Variants in CCDC88C observed in about 807,000 individuals in gnomAD.
CCDC88C encodes the protein protein Daple.
In CCDC88C, 131 loss-of-function variants were observed where a neutral mutation model predicts 198.8. That is an observed-to-expected ratio of 0.66 (90% CI 0.57 to 0.76). The LOEUF is 0.76. Ranked by LOEUF, CCDC88C falls within the 30% of genes least tolerant of loss-of-function variation. The probability of loss-of-function intolerance (pLI) is 0.00; values close to 1 mark genes in which losing one functional copy is unlikely to be tolerated. For missense variants in CCDC88C, 2,553 were observed against 2,631.6 expected, an observed-to-expected ratio of 0.97 and a Z score of 0.65; for synonymous variants, 1,166 against 1,114.7, an observed-to-expected ratio of 1.05 and a Z score of -0.92.
At chr14:91,365,182 C>CCCCTCTA (rs1567100715) in intron 3 of CCDC88C, among the ~76,000 whole-genome samples, 1 of 149,978 alleles carries the variant, frequency 6.7e-6, no homozygotes, top group Non-Finnish European at 1.5e-5. Flanking sequence ...TCACCCCTCA[C>CCCCTCTA]CCCTCACCCC....
chr14:91,338,182 C>A lies in CCDC88C; in HGVS notation c.892-19G>T. ...GGATGTTCTGCAAGGTGGACAAAGG[C>A]AGGAGAACCTAGCTTAGGGCATCCT... On this transcript the variant is annotated intron_variant, in intron 9 of 29. Transcript: ENST00000389857. The surrounding 1 kb of genome is among the most constrained non-coding windows in gnomAD (Gnocchi z 4.8). The A allele has an allele frequency of 6.2e-7, 1 of 1,612,232 alleles. No individual in the cohort carries two copies.
chr14:91,330,181 G>A (rs888951740), intron 10 of CCDC88C, among the ~76,000 whole-genome samples: 1 of 152,244 alleles, frequency 6.6e-6, no homozygotes, highest in Non-Finnish European at 1.5e-5. Context: ...AAAGTGCCAC[G>A]TGATGAGCAC....
At chr14:91,393,895 C>G (rs1885678746) in intron 3 of CCDC88C, among the ~76,000 whole-genome samples, 1 of 152,336 alleles carries the variant, frequency 6.6e-6, no homozygotes, top group South Asian at 2.1e-4. Context: ...TCCGTAAAAT[C>G]TGAATGCCAC....
At chr14:91,306,988 GTC>G (rs200376745) in intron 18 of CCDC88C, 48 bp downstream of exon 18, 2,270 of 1,460,722 alleles carry the variant, frequency 1.6e-3, no homozygotes, top group African/African-American at 6.6e-3. Flanking sequence ...TGATAAGGCA[GTC>G]TCTCTCTCTC....
chr14:91,285,172 C>G (rs911017199), intron 25 of CCDC88C, among the ~76,000 whole-genome samples: 1 of 152,090 alleles, frequency 6.6e-6, no homozygotes, highest in African/African-American at 2.4e-5. Flanking sequence ...AGGGCCTTAC[C>G]GGAAAAGGCC....
intron 3 of CCDC88C, among the ~76,000 whole-genome samples, chr14:91,404,641 G>A: frequency 6.6e-6 from 1 of 152,172 alleles, no homozygotes; most frequent in East Asian, 1.9e-4. Context: ...GGAATGGTGA[G>A]ACTCAAGAAG....
At chr14:91,360,833 T>C (rs1312824835) in intron 3 of CCDC88C, among the ~76,000 whole-genome samples, 2 of 152,132 alleles carry the variant, frequency 1.3e-5, no homozygotes, top group African/African-American at 4.8e-5. Context: ...ATGCAGGACG[T>C]TGTTCACAAA....
chr14:91,286,893 G>A (rs778582973), intron 25 of CCDC88C, among the ~76,000 whole-genome samples: 2 of 152,184 alleles, frequency 1.3e-5, no homozygotes, highest in Non-Finnish European at 2.9e-5. Context: ...ACACAGGGGA[G>A]GCCACGTCCA....
At chr14:91,362,020 G>C (rs559050305) in intron 3 of CCDC88C, among the ~76,000 whole-genome samples, 1 of 152,188 alleles carries the variant, frequency 6.6e-6, no homozygotes, top group East Asian at 1.9e-4. Flanking sequence ...GATCACCTGA[G>C]GTCAGGGGTT....
intron 24 of CCDC88C, 92 bp from the exon 25 acceptor site, chr14:91,289,435 C>G (rs1890567834): frequency 8.8e-7 from 1 of 1,140,952 alleles, no homozygotes; most frequent in Non-Finnish European, 1.3e-6. Context: ...GATGTTCTTC[C>G]CCAGTCTGGG....
chr14:91,349,953 A>G (rs769717638), intron 4 of CCDC88C, among the ~76,000 whole-genome samples: 3 of 152,338 alleles, frequency 2.0e-5, no homozygotes, highest in Middle Eastern at 3.4e-3. Flanking sequence ...CATGGCAGAC[A>G]TGATTAGTCA....
chr14:91,406,609 T>G (rs1782914839), intron 3 of CCDC88C, among the ~76,000 whole-genome samples: 1 of 152,220 alleles, frequency 6.6e-6, no homozygotes, highest in Non-Finnish European at 1.5e-5. Context: ...CTTTCAGCAC[T>G]ATGTGCTTCC....
At chr14:91,401,280 TATTATATAC>T (rs1393995694) in intron 3 of CCDC88C, among the ~76,000 whole-genome samples, 3 of 144,326 alleles carry the variant, frequency 2.1e-5, no homozygotes, top group Non-Finnish European at 4.5e-5. Context: ...ATATATTATA[TATTATATAC>T]ATTATATATT....
chr14:91,395,596 C>T (rs1466567069), intron 3 of CCDC88C, among the ~76,000 whole-genome samples: 1 of 152,104 alleles, frequency 6.6e-6, no homozygotes, highest in African/African-American at 2.4e-5. Context: ...AAAGAAGTCA[C>T]CCCACAGAGC....
intron 3 of CCDC88C, among the ~76,000 whole-genome samples, chr14:91,367,299 G>A (rs939041739): frequency 7.2e-5 from 11 of 152,208 alleles, no homozygotes; most frequent in African/African-American, 2.2e-4. Context: ...TGACGCTCAC[G>A]GTTGCCAAGG....
chr14:91,406,243 G>C (rs11160005), intron 3 of CCDC88C, among the ~76,000 whole-genome samples: 28,377 of 152,182 alleles, frequency 0.19, 2,865 homozygotes, highest in Admixed American at 0.22. Flanking sequence ...AACAGCAGAA[G>C]TCCTCCTGGA....
chr14:91,345,420 T>C (rs1343852585), intron 4 of CCDC88C, among the ~76,000 whole-genome samples: 1 of 152,014 alleles, frequency 6.6e-6, no homozygotes. Flanking sequence ...CTTGAACTCC[T>C]GACCTCGTGA....
At chr14:91,304,522 G>A (rs987753962) in intron 19 of CCDC88C, among the ~76,000 whole-genome samples, 3 of 152,236 alleles carry the variant, frequency 2.0e-5, no homozygotes, top group African/African-American at 4.8e-5. Flanking sequence ...CCAGGAGTTG[G>A]AGGTTATAGT....
intron 3 of CCDC88C, among the ~76,000 whole-genome samples, chr14:91,398,994 G>A (rs1886014530): frequency 1.3e-5 from 2 of 152,168 alleles, no homozygotes; most frequent in African/African-American, 2.4e-5. Context: ...CTGTGTGCTG[G>A]TGCCCTCTCT....
Sources: gnomAD v4.1 joint callset for allele counts (sites outside exome capture counted in the v4.1 genomes callset) on GRCh38, gnomAD v4.1.1 for gene constraint, Gnocchi (gnomAD v3.1) non-coding constraint, MANE v1.5 for transcripts, NCBI Gene and HGNC (gene_info 2026-07-23, HGNC 2026-07-21) for gene names.